Variants in TMEM260 observed in about 807,000 individuals in gnomAD.
TMEM260 encodes transmembrane protein 260.
A neutral mutation model predicts 88.9 loss-of-function variants in TMEM260; 82 were observed. That is an observed-to-expected ratio of 0.92 (90% confidence interval 0.77 to 1.11). TMEM260 has a LOEUF of 1.11. Ranked by LOEUF, TMEM260 falls within the 50% of genes least tolerant of loss-of-function variation. The pLI, the probability that TMEM260 is intolerant of heterozygous loss-of-function variation, is 0.00. For synonymous variants in TMEM260, 314 were observed against 309.3 expected, an observed-to-expected ratio of 1.02 and a Z score of -0.16; for missense variants, 902 against 853.4, an observed-to-expected ratio of 1.06 and a Z score of -0.71.
intron 13 of TMEM260, 41 bp from the exon 14 acceptor site, chr14:56,634,856 AAG>A: frequency 1.3e-6 from 2 of 1,571,222 alleles, no homozygotes; most frequent in East Asian, 2.2e-5. Flanking sequence ...AAAAAAAAAA[AAG>A]TGGGTGACAG....
intron 1 of TMEM260, among the ~76,000 whole-genome samples, chr14:56,583,617 G>C (rs778910962): frequency 5.3e-5 from 8 of 152,092 alleles, no homozygotes; most frequent in Non-Finnish European, 7.4e-5. Context: ...GTGCTAAATA[G>C]ACTCAAGCAG....
At chr14:56,581,633 C>T (rs2139488355) in intron 1 of TMEM260, among the ~76,000 whole-genome samples, 1 of 152,276 alleles carries the variant, frequency 6.6e-6, no homozygotes, top group South Asian at 2.1e-4. Flanking sequence ...TTACTATGTG[C>T]CAGGCACTGT....
intron 15 of TMEM260, among the ~76,000 whole-genome samples, chr14:56,646,519 G>A (rs1889977651): frequency 6.6e-6 from 1 of 152,100 alleles, no homozygotes; most frequent in African/African-American, 2.4e-5. Context: ...GATGTTTCCT[G>A]TAGAAAACTC....
At chr14:56,593,514 ATTAT>A (rs752093280) in intron 3 of TMEM260, among the ~76,000 whole-genome samples, 7 of 151,830 alleles carry the variant, frequency 4.6e-5, no homozygotes, top group South Asian at 2.1e-4. Flanking sequence ...AAAGTATAAA[ATTAT>A]TTATATAAAA....
chr14:56,600,915 G>A (rs1886534700), intron 3 of TMEM260, among the ~76,000 whole-genome samples: 1 of 152,100 alleles, frequency 6.6e-6, no homozygotes, highest in Non-Finnish European at 1.5e-5. Context: ...TTTACTCAGT[G>A]GTTTCACAAA....
chr14:56,632,092 C>G (rs1387634751), intron 12 of TMEM260, among the ~76,000 whole-genome samples: 2 of 152,110 alleles, frequency 1.3e-5, no homozygotes, highest in East Asian at 3.9e-4. Flanking sequence ...TAGGGTCAGA[C>G]CTGTGCATGC....
intron 3 of TMEM260, among the ~76,000 whole-genome samples, chr14:56,596,406 G>GTATATA (rs890940479): frequency 9.0e-6 from 1 of 111,318 alleles, no homozygotes; most frequent in Non-Finnish European, 2.1e-5. Flanking sequence ...GTGTGTGTGT[G>GTATATA]TATATATATA....
chr14:56,583,248 T>G (rs35448708), intron 1 of TMEM260, among the ~76,000 whole-genome samples: 50,309 of 152,078 alleles, frequency 0.33, 10,249 homozygotes, highest in East Asian at 0.51. Context: ...TTTGAGACAT[T>G]GTGAGACCAT....
chr14:56,609,331 T>C (rs1887107915), intron 6 of TMEM260, 46 bp downstream of exon 6: 1 of 1,549,698 alleles, frequency 6.5e-7, no homozygotes, highest in Non-Finnish European at 8.9e-7. Flanking sequence ...GTGGCAAAAC[T>C]TCAGTGCTCT....
chr14:56,590,698 T>A (rs1376653060), intron 3 of TMEM260, among the ~76,000 whole-genome samples: 2 of 152,252 alleles, frequency 1.3e-5, no homozygotes, highest in Non-Finnish European at 2.9e-5. Context: ...ATATAAATGC[T>A]ATCATAGCTC....
downstream of TMEM260, among the ~76,000 whole-genome samples, chr14:56,653,737 A>AAAAAAAAAAAAAAC (rs1555343541): frequency 1.2e-5 from 1 of 83,864 alleles, no homozygotes; most frequent in Non-Finnish European, 2.6e-5. Context: ...TCTTGTCTCC[A>AAAAAAAAAAAAAAC]AAACAAAAAA....
intron 5 of TMEM260, among the ~76,000 whole-genome samples, chr14:56,606,171 C>T (rs1207978786): frequency 6.6e-6 from 1 of 151,914 alleles, no homozygotes; most frequent in East Asian, 1.9e-4. Context: ...AACGGATTCC[C>T]TAGAATTAAA....
At position 56,603,814 on chromosome 14, in the gene TMEM260, G is replaced by C. The variant is rs1886721468; in HGVS notation, c.345-1G>C. 6.8e-6 allele frequency: 11 copies of C among 1,613,704 alleles called. No individual in the cohort carries two copies. Among genetic ancestry groups the C allele is most frequent in the Non-Finnish European group, 9.3e-6 (11 of 1,179,666 alleles). On this transcript the variant is annotated splice_acceptor_variant, in intron 3 of 15. Coordinates refer to ENST00000261556, the MANE Select transcript of TMEM260 (RefSeq NM_017799.4). LOFTEE classifies it high-confidence loss of function. ...AGATTTCATGTTATCTGTGTTTGCA[G>C]GCTTTCTGGCTCATCTGCTGGAGGA...
chr14:56,613,549 T>G (rs1168273843), intron 7 of TMEM260: 2 of 152,188 alleles, frequency 1.3e-5, no homozygotes, highest in Non-Finnish European at 2.9e-5. Context: ...TTATTTCTTT[T>G]TAAAAGTAGG....
At chr14:56,641,368 C>T (rs993203125) in intron 15 of TMEM260, among the ~76,000 whole-genome samples, 1 of 152,174 alleles carries the variant, frequency 6.6e-6, no homozygotes, top group African/African-American at 2.4e-5. Flanking sequence ...ATTCAGTATT[C>T]TTCAAGAAAA....
intron 5 of TMEM260, among the ~76,000 whole-genome samples, chr14:56,607,218 C>T (rs1433842762): frequency 1.3e-5 from 2 of 152,152 alleles, no homozygotes; most frequent in East Asian, 3.8e-4. Context: ...ACATCTCCCT[C>T]TCGTATTGGT....
Position 56,621,605 on chromosome 14 carries a change from C to G in TMEM260, c.1301C>G (p.Ala434Gly). 1 of 1,613,546 alleles carries G rather than the reference C, an allele frequency of 6.2e-7. No homozygotes were observed. Among genetic ancestry groups the G allele is most frequent in the Admixed American group, 1.7e-5 (1 of 59,978 alleles). Reference sequence around the variant, plus strand: ...CTTCTCACCTCTATGCCTCATGATGCAATTATCTTACTCAGAGGAGATTTG... The same window carrying G: ...CTTCTCACCTCTATGCCTCATGATGGAATTATCTTACTCAGAGGAGATTTG... ...KNLLTSMPHD[A>G]IILLRGDLPG... The change falls in exon 11 of 16, where the codon GCA becomes GGA. Residue 434 changes from alanine to glycine, a missense_variant. Transcript: ENST00000261556.
chr14:56,582,446 G>C (rs1885196957), intron 1 of TMEM260, among the ~76,000 whole-genome samples: 1 of 152,178 alleles, frequency 6.6e-6, no homozygotes, highest in Admixed American at 6.5e-5. Flanking sequence ...ATGTGTGACA[G>C]TCTAGTCTAA....
chr14:56,610,675 C>T (rs1887204393), intron 6 of TMEM260, among the ~76,000 whole-genome samples: 2 of 152,110 alleles, frequency 1.3e-5, no homozygotes, highest in African/African-American at 4.8e-5. Flanking sequence ...ATTATTTTGA[C>T]TTAGAGAGTT....
Sources: allele counts gnomAD v4.1 joint callset (sites outside exome capture counted in the v4.1 genomes callset), GRCh38; gene constraint gnomAD v4.1.1; transcripts MANE v1.5; gene names NCBI Gene and HGNC (gene_info 2026-07-23, HGNC 2026-07-21).